The following EPHA5 variants were observed in gnomAD, a reference collection of about 807,000 sequenced individuals.
The protein encoded by EPHA5 is EPH receptor A5.
A neutral mutation model predicts 105.0 loss-of-function variants in EPHA5; 60 were observed. That is an observed-to-expected ratio of 0.57 (90% CI 0.46 to 0.71). EPHA5 has a LOEUF of 0.71. EPHA5 is among the 30% of genes least tolerant of loss of function. The pLI, the probability that EPHA5 is intolerant of heterozygous loss-of-function variation, is 0.00. For missense variants in EPHA5, 1,218 were observed against 1,274.7 expected (o/e 0.96, Z 0.68); for synonymous variants, 513 against 449.1 (o/e 1.14, Z -1.80).
At chr4:65,327,442 C>T (rs995622241) in intron 16 of EPHA5, among the ~76,000 whole-genome samples, 3 of 151,100 alleles carry the variant, frequency 2.0e-5, no homozygotes, top group African/African-American at 4.8e-5. Context: ...ATCTCCCCAG[C>T]GGAGAAATGG....
intron 8 of EPHA5, among the ~76,000 whole-genome samples, chr4:65,370,444 A>G (rs1034629545): frequency 2.6e-5 from 4 of 152,160 alleles, no homozygotes; most frequent in Non-Finnish European, 5.9e-5. Context: ...AATACTGACA[A>G]AAACAACTTT....
chr4:65,404,269 T>C lies in EPHA5; in HGVS notation c.1793+105A>G, dbSNP rs575756808. 8.1e-4 allele frequency: 633 copies of C among 785,526 alleles called. 3 individuals are homozygous for C. Among genetic ancestry groups the C allele is most frequent in the Admixed American group, 1.8e-3 (85 of 48,422 alleles). The allele number at this position is 785,526 out of a possible 1,614,324, so 48.7% of individuals were successfully genotyped here. A position where few individuals can be genotyped will look rare whatever the true frequency, so the allele number is the denominator to read the frequency against. On this transcript the variant is annotated intron_variant, in intron 8 of 16. Coordinates refer to ENST00000613740, the MANE Select transcript of EPHA5 (RefSeq NM_001281766.3). The stretch of plus-strand genomic sequence containing the variant: ...TGTATTGAGATTATCTGCTGATATA[T>C]TGCTTGCCTGATTTGTTTTGGGATG...
chr4:65,555,176 T>C (rs1738303589), intron 3 of EPHA5, among the ~76,000 whole-genome samples: 1 of 151,934 alleles, frequency 6.6e-6, no homozygotes, highest in Non-Finnish European at 1.5e-5. Context: ...CCCACCATTT[T>C]ACTCCCATGT....
chr4:65,608,465 C>A (rs921603956), intron 2 of EPHA5, among the ~76,000 whole-genome samples: 1 of 151,420 alleles, frequency 6.6e-6, no homozygotes, highest in African/African-American at 2.4e-5. Flanking sequence ...GATTGCGCCA[C>A]TGCACCCCAG....
chr4:65,332,146 T>G lies in EPHA5; in HGVS notation c.2790-18A>C. On this transcript the variant is annotated intron_variant, in intron 15 of 16. Coordinates refer to ENST00000613740, the MANE Select transcript of EPHA5 (RefSeq NM_001281766.3). ...TAGATACTCTAAAACACATAAAACA[T>G]AAATATTAAAAGTTACAATTTAATT... The G allele has an allele frequency of 6.5e-7, 1 of 1,547,236 alleles. No homozygotes were observed. The highest frequency in any genetic ancestry group is 2.4e-5 in the East Asian group (1 of 41,900).
intron 3 of EPHA5, among the ~76,000 whole-genome samples, chr4:65,547,890 T>C (rs1468285531): frequency 1.3e-5 from 2 of 152,024 alleles, no homozygotes; most frequent in Non-Finnish European, 2.9e-5. Flanking sequence ...AGAATTCTGT[T>C]CAGCTTCAGA....
intron 5 of EPHA5, among the ~76,000 whole-genome samples, chr4:65,474,183 G>A (rs1729572085): frequency 6.6e-6 from 1 of 151,860 alleles, no homozygotes; most frequent in South Asian, 2.1e-4. Context: ...TAATAATAAA[G>A]AAATGAATTC....
intron 3 of EPHA5, among the ~76,000 whole-genome samples, chr4:65,596,906 G>GACACCTAAT (rs1323844871): frequency 1.3e-5 from 2 of 152,032 alleles, no homozygotes; most frequent in Non-Finnish European, 2.9e-5. Flanking sequence ...TAATTGCATG[G>GACACCTAAT]ACACCTAATA....
At chr4:65,521,347 G>A (rs1389558904) in intron 3 of EPHA5, among the ~76,000 whole-genome samples, 1 of 152,024 alleles carries the variant, frequency 6.6e-6, no homozygotes, top group African/African-American at 2.4e-5. Flanking sequence ...ACACAGGAAG[G>A]GGAACATCAC....
In EPHA5 at chr4:65,620,847, C is replaced by T. The variant is rs1037820791; in HGVS notation, c.247-18543G>A. Reference sequence around the variant, plus strand: ...CTTAAAGAATCAGATAATGGATTTGCGTAAATTTCCCATATGCTTTTTCCA... The same window carrying T: ...CTTAAAGAATCAGATAATGGATTTGTGTAAATTTCCCATATGCTTTTTCCA... On this transcript the variant is annotated intron_variant, in intron 2 of 16. Transcript: ENST00000613740. Among the ~76,000 whole-genome samples the T allele has an allele frequency of 8.5e-5, 13 of 152,060 alleles. No homozygotes were observed. The East Asian group carries it at 1.2e-3, about 14-fold the overall frequency.
chr4:65,423,216 A>T (rs1306476223), intron 5 of EPHA5, among the ~76,000 whole-genome samples: 2 of 152,020 alleles, frequency 1.3e-5, no homozygotes, highest in African/African-American at 4.8e-5. Context: ...GGGTATGACC[A>T]CAAAGGTAAA....
chr4:65,575,840 A>G (rs1740837867), intron 3 of EPHA5, among the ~76,000 whole-genome samples: 1 of 151,162 alleles, frequency 6.6e-6, no homozygotes, highest in Admixed American at 6.6e-5. Context: ...AGGCAGGCGT[A>G]GTGATGGGCG....
chr4:65,505,935 G>A (rs1560619526), intron 3 of EPHA5, among the ~76,000 whole-genome samples: 1 of 151,956 alleles, frequency 6.6e-6, no homozygotes, highest in Non-Finnish European at 1.5e-5. Context: ...GTGCCATGTT[G>A]GTGTGCTACA....
intron 2 of EPHA5, among the ~76,000 whole-genome samples, chr4:65,627,918 G>T (rs1189776541): frequency 6.6e-6 from 1 of 152,076 alleles, no homozygotes; most frequent in Non-Finnish European, 1.5e-5. Context: ...TAAACTATGT[G>T]TATTAAAAAT....
At chr4:65,506,801 T>A (rs1362568377) in intron 3 of EPHA5, among the ~76,000 whole-genome samples, 2 of 150,342 alleles carry the variant, frequency 1.3e-5, no homozygotes, top group Non-Finnish European at 3.0e-5. Flanking sequence ...GATGCAAAAA[T>A]TTTCTCCCAT....
At chr4:65,515,844 T>A (rs1734056360) in intron 3 of EPHA5, among the ~76,000 whole-genome samples, 1 of 152,130 alleles carries the variant, frequency 6.6e-6, no homozygotes, top group South Asian at 2.1e-4. Context: ...CCAATGTGGC[T>A]AGACGTCATC....
At chr4:65,640,969 C>T (rs1028442645) in intron 2 of EPHA5, among the ~76,000 whole-genome samples, 2 of 152,134 alleles carry the variant, frequency 1.3e-5, no homozygotes, top group African/African-American at 2.4e-5. Flanking sequence ...TTTTATCTAG[C>T]CCCTCACACA....
intron 1 of EPHA5, among the ~76,000 whole-genome samples, chr4:65,667,187 A>G (rs564497143): frequency 1.3e-5 from 2 of 152,342 alleles, no homozygotes; most frequent in South Asian, 4.1e-4. Flanking sequence ...CATTTTATGA[A>G]TATTTTAGCA....
chr4:65,372,966 A>G (rs1012020384), intron 8 of EPHA5, among the ~76,000 whole-genome samples: 20 of 151,920 alleles, frequency 1.3e-4, no homozygotes, highest in Admixed American at 5.3e-4. Flanking sequence ...TAAATTATAC[A>G]CTATTTTCTC....
Sources: gnomAD v4.1 joint callset for allele counts (sites outside exome capture counted in the v4.1 genomes callset) on GRCh38, gnomAD v4.1.1 for gene constraint, MANE v1.5 for transcripts, NCBI Gene and HGNC (gene_info 2026-07-23, HGNC 2026-07-21) for gene names.